PRIM2: variants seen among roughly 807,000 people sequenced by gnomAD.
PRIM2 encodes the protein DNA primase subunit 2, also known as DNA primase large subunit.
PRIM2 carries 39 observed loss-of-function variants against 67.3 expected under a neutral mutation model. The ratio of observed to expected loss-of-function variants is 0.58; its 90% CI spans 0.45 to 0.76. The LOEUF (loss-of-function observed/expected upper bound fraction) is 0.76, where lower values mean the gene tolerates loss of function less well. PRIM2 is among the 30% of genes least tolerant of loss of function. The pLI is 0.00. For missense variants in PRIM2, 398 were observed against 598.7 expected, an observed-to-expected ratio of 0.66 and a Z score of 3.50; for synonymous variants, 143 against 198.7, an observed-to-expected ratio of 0.72 and a Z score of 2.36.
At chr6:57,467,221 T>A (rs2127400274) in intron 7 of PRIM2, among the ~76,000 whole-genome samples, 1 of 151,834 alleles carries the variant, frequency 6.6e-6, no homozygotes, top group African/African-American at 2.4e-5. Context: ...TCCTGAATGG[T>A]ATTGCCTAGG....
Position 57,513,932 on chromosome 6 carries a change from C to G in PRIM2, c.761+6478C>G. Reference sequence around the variant, plus strand: ...GCGTATTTGTCACACCACAATTTTGCGAGCATATTTCAGCCCAAGAATGAA... The same window carrying G: ...GCGTATTTGTCACACCACAATTTTGGGAGCATATTTCAGCCCAAGAATGAA... On this transcript the variant is annotated intron_variant, in intron 8 of 13. Coordinates refer to ENST00000615550, the MANE Select transcript of PRIM2 (RefSeq NM_000947.5). 1.3e-5 allele frequency among the ~76,000 whole-genome samples: 2 copies of G among 152,192 alleles called. 1 individual carries two copies. Among genetic ancestry groups the G allele is most frequent in the East Asian group, 3.9e-4 (2 of 5,168 alleles).
intron 13 of PRIM2, among the ~76,000 whole-genome samples, chr6:57,645,405 A>ATTTTTTTTTTTTTTTTTTT (rs1458949369): frequency 6.7e-6 from 1 of 148,666 alleles, no homozygotes; most frequent in African/African-American, 2.5e-5. Flanking sequence ...TAGTTTTCTA[A>ATTTTTTTTTTTTTTTTTTT]TTTTTTGTTT....
intron 10 of PRIM2, among the ~76,000 whole-genome samples, chr6:57,553,015 T>A (rs1391220846): frequency 6.6e-6 from 1 of 152,200 alleles, no homozygotes; most frequent in African/African-American, 2.4e-5. Flanking sequence ...AACAAAATGT[T>A]TGTCAGAATG....
At chr6:57,555,916 C>T (rs1173188288) in intron 10 of PRIM2, among the ~76,000 whole-genome samples, 1 of 152,180 alleles carries the variant, frequency 6.6e-6, no homozygotes, top group Admixed American at 6.5e-5. Flanking sequence ...CCGTGATTCT[C>T]ATTTTTGGAA....
At chr6:57,450,830 T>C (rs1206822238) in intron 7 of PRIM2, among the ~76,000 whole-genome samples, 1 of 152,336 alleles carries the variant, frequency 6.6e-6, no homozygotes, top group African/African-American at 2.4e-5. Flanking sequence ...TATACTATAC[T>C]TTAGTATACT....
Position 57,642,781 on chromosome 6 carries a change from A to G in PRIM2, c.1300-3147A>G, listed in dbSNP as rs1346290116. ...CTTAAAGTTAAGTCATTTAAATGCC[A>G]TTTATTAGTTAGGGCAGGGTCTTTT... On this transcript the variant is annotated intron_variant, in intron 13 of 13. Coordinates refer to ENST00000615550, the MANE Select transcript of PRIM2 (RefSeq NM_000947.5). Among the ~76,000 whole-genome samples, 3 of 152,262 alleles carry G rather than the reference A, an allele frequency of 2.0e-5. No individual in the cohort carries two copies. In the East Asian group the frequency reaches 5.8e-4, roughly 29 times the overall value.
chr6:57,395,138 T>C (rs1044646683), intron 7 of PRIM2, among the ~76,000 whole-genome samples: 10 of 152,070 alleles, frequency 6.6e-5, no homozygotes, highest in African/African-American at 2.4e-4. Context: ...TTGGTTATGT[T>C]GTTTCCTGGT....
chr6:57,473,795 G>A (rs1363850775), intron 7 of PRIM2, among the ~76,000 whole-genome samples: 2 of 152,182 alleles, frequency 1.3e-5, no homozygotes, highest in Non-Finnish European at 2.9e-5. Flanking sequence ...CCACCCCTGC[G>A]CCCTATCTGA....
chr6:57,353,907 C>T (rs2208346), intron 5 of PRIM2, among the ~76,000 whole-genome samples: 29 of 152,214 alleles, frequency 1.9e-4, no homozygotes, highest in South Asian at 1.0e-3. Context: ...AGGGGTGCTT[C>T]GGGTGGGTTA....
chr6:57,275,744 T>G, the PRIM2 span, among the ~76,000 whole-genome samples: 1 of 152,208 alleles, frequency 6.6e-6, no homozygotes, highest in Non-Finnish European at 1.5e-5. Context: ...TTCTTGGGCC[T>G]ACAGTGGCTG....
intron 7 of PRIM2, among the ~76,000 whole-genome samples, chr6:57,475,286 GTGC>G (rs1773450394): frequency 6.6e-6 from 1 of 152,088 alleles, no homozygotes; most frequent in Non-Finnish European, 1.5e-5. Flanking sequence ...TCACAGAGTT[GTGC>G]AACCATCACT....
rs1266973179 is a variant in PRIM2, at chr6:57,646,570, A to G, written c.*412A>G. 3 of 158,094 alleles carry G rather than the reference A, an allele frequency of 1.9e-5. No individual in the cohort carries two copies. Among genetic ancestry groups the G allele is most frequent in the African/African-American group, 7.3e-5 (3 of 41,110 alleles). 9.8% of individuals were successfully genotyped at this position (158,094 alleles called of 1,614,324 possible). A position where few individuals can be genotyped will look rare whatever the true frequency, so the allele number is the denominator to read the frequency against. On this transcript the variant is annotated 3_prime_UTR_variant, in exon 14 of 14. Transcript: ENST00000615550. ...CTCTTCACTGCATCCCAATCCATCT[A>G]CAGGCATGCACACTTATTAGGAAAG...
chr6:57,608,101 A>C (rs1335923404), intron 12 of PRIM2, among the ~76,000 whole-genome samples: 2 of 152,148 alleles, frequency 1.3e-5, no homozygotes, highest in South Asian at 2.1e-4. Flanking sequence ...GCTGTGTTTG[A>C]AAATGTAATC....
intron 10 of PRIM2, among the ~76,000 whole-genome samples, chr6:57,554,452 G>A (rs1775468659): frequency 6.7e-6 from 1 of 150,058 alleles, no homozygotes; most frequent in Non-Finnish European, 1.5e-5. Flanking sequence ...CACTAGGGAT[G>A]AACTAGATTT....
chr6:57,234,643 C>T, the PRIM2 span, among the ~76,000 whole-genome samples: 217 of 152,250 alleles, frequency 1.4e-3, no homozygotes, highest in African/African-American at 5.0e-3. Flanking sequence ...CTTGCCTCAG[C>T]CTCCCAAGTA....
intron 7 of PRIM2, among the ~76,000 whole-genome samples, chr6:57,404,555 GA>G (rs1419899267): frequency 2.6e-5 from 4 of 151,604 alleles, no homozygotes; most frequent in Admixed American, 6.6e-5. Context: ...TAATATGTGT[GA>G]AGTGCTGTAC....
intron 12 of PRIM2, among the ~76,000 whole-genome samples, chr6:57,616,955 CT>C (rs1425379749): frequency 1.3e-5 from 2 of 152,212 alleles, no homozygotes; most frequent in African/African-American, 4.8e-5. Flanking sequence ...TTTTGAATGG[CT>C]GAATGATACT....
At chr6:57,371,751 C>T (rs1368341406) in intron 5 of PRIM2, among the ~76,000 whole-genome samples, 1 of 152,188 alleles carries the variant, frequency 6.6e-6, no homozygotes, top group South Asian at 2.1e-4. Context: ...GATTTCTTCT[C>T]CTTTCACCCT....
At chr6:57,623,810 T>G (rs1397505443) in intron 12 of PRIM2, among the ~76,000 whole-genome samples, 1 of 152,184 alleles carries the variant, frequency 6.6e-6, no homozygotes, top group Non-Finnish European at 1.5e-5. Flanking sequence ...TGGTGGTGTT[T>G]ACCATCAATT....
Sources: gnomAD v4.1 joint callset for allele counts (sites outside exome capture counted in the v4.1 genomes callset) on GRCh38, gnomAD v4.1.1 for gene constraint, MANE v1.5 for transcripts, NCBI Gene and HGNC (gene_info 2026-07-23, HGNC 2026-07-21) for gene names.